ZSCAN5A: variants seen among roughly 807,000 people sequenced by gnomAD.
ZSCAN5A encodes zinc finger and SCAN domain-containing protein 5A.
In ZSCAN5A, 12 loss-of-function variants were observed where a neutral mutation model predicts 23.7. The observed-to-expected ratio is 0.51, with a 90% CI of 0.32 to 0.82. ZSCAN5A has a LOEUF of 0.82. ZSCAN5A is among the 40% of genes least tolerant of loss of function. The pLI is 0.03. For synonymous variants in ZSCAN5A, 257 were observed against 239.9 expected (o/e 1.07, Z -0.66); for missense variants, 597 against 617.9 (o/e 0.97, Z 0.36).
chr19:56,328,538 A>G (rs1340499320), intron 2 of ZSCAN5A, among the ~76,000 whole-genome samples: 3 of 151,776 alleles, frequency 2.0e-5, no homozygotes, highest in Non-Finnish European at 2.9e-5. Context: ...GCTACTTAGG[A>G]GGCTTAGGCA....
chr19:56,298,588 A>G (rs1401021833), intron 2 of ZSCAN5A, among the ~76,000 whole-genome samples: 4 of 151,318 alleles, frequency 2.6e-5, no homozygotes, highest in African/African-American at 9.7e-5. Context: ...GGGAGGCGGA[A>G]GCTGCAGTGA....
intron 2 of ZSCAN5A, among the ~76,000 whole-genome samples, chr19:56,247,809 A>T (rs2036047497): frequency 6.6e-6 from 1 of 152,008 alleles, no homozygotes; most frequent in African/African-American, 2.4e-5. Context: ...CTCCTGCCTC[A>T]GCCTCCCGAG....
intron 2 of ZSCAN5A, among the ~76,000 whole-genome samples, chr19:56,309,483 A>C (rs35920556): frequency 6.6e-6 from 1 of 152,180 alleles, no homozygotes; most frequent in Non-Finnish European, 1.5e-5. Context: ...TTTTACCTCA[A>C]TTACAAAAAG....
upstream of ZSCAN5A, among the ~76,000 whole-genome samples, chr19:56,319,418 C>G (rs1175706799): frequency 6.9e-6 from 1 of 144,854 alleles, no homozygotes; most frequent in East Asian, 2.2e-4. Flanking sequence ...ATTGCTTGAA[C>G]CTGGGAGGCA....
At chr19:56,314,357 C>A (rs1191279504) in intron 1 of ZSCAN5A, 3 of 152,148 alleles carry the variant, frequency 2.0e-5, no homozygotes, top group Admixed American at 1.3e-4. Flanking sequence ...GGTTTCCAAT[C>A]AAAAATCGGG....
chr19:56,258,534 C>A (rs2036891560), intron 2 of ZSCAN5A, among the ~76,000 whole-genome samples: 1 of 145,848 alleles, frequency 6.9e-6, no homozygotes, highest in Admixed American at 6.9e-5. Context: ...GGGTGACAGA[C>A]ACACCTTCCA....
rs762366673 is a variant in ZSCAN5A at position 56,223,708 on chromosome 19, G to C, written c.511C>G (p.Gln171Glu). ...GCCTGGCCTTCCCCTGGACGCATCT[G>C]GTTCACCGAGGAGGCCCGTTGGCTG... ...VSSQRASSVN[Q>E]MRPGEGQAHR... The change falls in exon 4 of 6, where the codon CAG becomes GAG. Residue 171 changes from glutamine (Q) to glutamate (E), a missense_variant. Coordinates refer to ENST00000683990, the MANE Select transcript of ZSCAN5A (RefSeq NM_001322064.3). 1.2e-6 allele frequency: 2 copies of C among 1,613,810 alleles called. No individual in the cohort carries two copies. Among genetic ancestry groups the C allele is most frequent in the Non-Finnish European group, 1.7e-6 (2 of 1,179,990 alleles).
intron 2 of ZSCAN5A, among the ~76,000 whole-genome samples, chr19:56,338,107 T>C (rs2041558074): frequency 6.6e-6 from 1 of 152,232 alleles, no homozygotes; most frequent in Non-Finnish European, 1.5e-5. Context: ...AATCTTCTTA[T>C]TCACTGGATA....
chr19:56,247,360 G>T, intron 2 of ZSCAN5A: 2 of 228,722 alleles, frequency 8.7e-6, no homozygotes, highest in South Asian at 7.2e-5. Context: ...GAACCTGAAC[G>T]AGCACAAGCT....
intron 2 of ZSCAN5A, among the ~76,000 whole-genome samples, chr19:56,262,423 G>GT (rs907576132): frequency 8.0e-5 from 11 of 137,316 alleles, no homozygotes; most frequent in Non-Finnish European, 1.6e-4. Context: ...TTTTTTTTTT[G>GT]TTTTTTTGTT....
In ZSCAN5A at chr19:56,221,777, T is replaced by C. The variant is rs1347992536; in HGVS notation, c.1289A>G (p.His430Arg). The C allele has an allele frequency of 1.4e-5, 22 of 1,614,164 alleles. No individual in the cohort carries two copies. Among genetic ancestry groups the C allele is most frequent in the Non-Finnish European group, 1.8e-5 (21 of 1,180,010 alleles). ...QFTQKSYLKCHKRSHTGEKPF... is the reference protein window; with the variant it reads ...QFTQKSYLKCRKRSHTGEKPF... ...CTTCTCCCCTGTGTGGCTTCTCTTGTGACACTTCAAGTAGGACTTCTGGGT... is the reference window on the plus strand; with the variant it reads ...CTTCTCCCCTGTGTGGCTTCTCTTGCGACACTTCAAGTAGGACTTCTGGGT... The change falls in exon 6 of 6, where the codon CAC becomes CGC. Residue 430 changes from histidine to arginine, a missense_variant. Coordinates refer to ENST00000683990, the MANE Select transcript of ZSCAN5A (RefSeq NM_001322064.3).
At chr19:56,301,329 C>G (rs189337424) in intron 2 of ZSCAN5A, among the ~76,000 whole-genome samples, 1 of 152,066 alleles carries the variant, frequency 6.6e-6, no homozygotes, top group Non-Finnish European at 1.5e-5. Context: ...CTGAGGGTGC[C>G]TCCCCTTTTT....
At chr19:56,290,631 G>A (rs927152334) in intron 2 of ZSCAN5A, among the ~76,000 whole-genome samples, 4 of 152,160 alleles carry the variant, frequency 2.6e-5, no homozygotes, top group African/African-American at 4.8e-5. Flanking sequence ...GGCTGTGGTG[G>A]GAGGAAGGCT....
At chr19:56,322,310 A>G (rs773963648) in intron 2 of ZSCAN5A, 27 of 956,148 alleles carry the variant, frequency 2.8e-5, no homozygotes, top group Non-Finnish European at 4.3e-5. Context: ...TTGAAAGGCC[A>G]TTTCTTAGCC....
chr19:56,288,216 T>C (rs114307586), intron 2 of ZSCAN5A, among the ~76,000 whole-genome samples: 1,615 of 152,272 alleles, frequency 0.011, 28 homozygotes, highest in African/African-American at 0.037. Flanking sequence ...CCACGTCTTG[T>C]ACCATGATCA....
chr19:56,288,799 C>G (rs140669028), intron 2 of ZSCAN5A, among the ~76,000 whole-genome samples: 1 of 152,154 alleles, frequency 6.6e-6, no homozygotes, highest in Non-Finnish European at 1.5e-5. Context: ...GTCTGAGACC[C>G]GTGTCTTAAT....
intron 2 of ZSCAN5A, chr19:56,282,469 C>T (rs901696144): frequency 9.1e-6 from 9 of 985,210 alleles, no homozygotes; most frequent in Middle Eastern, 5.2e-4. Flanking sequence ...TCCTGTCCTT[C>T]CTGCTGCTTG....
intron 2 of ZSCAN5A, chr19:56,322,336 G>T: frequency 1.2e-6 from 1 of 810,734 alleles, no homozygotes; most frequent in Non-Finnish European, 2.2e-6. Flanking sequence ...ACTTCTCATT[G>T]TCTGCCGCCA....
intron 2 of ZSCAN5A, among the ~76,000 whole-genome samples, chr19:56,353,365 T>G (rs1468425187): frequency 6.6e-6 from 1 of 152,206 alleles, no homozygotes; most frequent in East Asian, 1.9e-4. Context: ...TTCTGTGCAT[T>G]AAGACTATTT....
Sources: gnomAD v4.1 joint callset for allele counts (sites outside exome capture counted in the v4.1 genomes callset) on GRCh38, gnomAD v4.1.1 for gene constraint, MANE v1.5 for transcripts, NCBI Gene and HGNC (gene_info 2026-07-23, HGNC 2026-07-21) for gene names.